WDR7: variants seen among roughly 807,000 people sequenced by gnomAD.
WDR7 encodes WD repeat-containing protein 7.
In WDR7, 46 loss-of-function variants were observed where a neutral mutation model predicts 169.4. The ratio of observed to expected loss-of-function variants is 0.27; its 90% CI spans 0.21 to 0.35. The LOEUF is 0.35. Among genes scored for constraint, WDR7 ranks in the 10% least tolerant of loss-of-function variants. WDR7 has a pLI of 1.00. For synonymous variants in WDR7, 612 were observed against 666.8 expected (o/e 0.92, Z 1.27); for missense variants, 1,534 against 1,859.3 (o/e 0.83, Z 3.22).
chr18:56,682,946 G>A, intron 5 of WDR7, 93 bp downstream of exon 5: 1 of 1,316,852 alleles, frequency 7.6e-7, no homozygotes, highest in Non-Finnish European at 1.0e-6. Flanking sequence ...TTAATACTTT[G>A]GGATATATTC....
At chr18:56,708,937 A>AAAC (rs373468675) in intron 12 of WDR7, among the ~76,000 whole-genome samples, 9 of 152,254 alleles carry the variant, frequency 5.9e-5, no homozygotes, top group African/African-American at 9.6e-5. Flanking sequence ...ACTCTGTCTC[A>AAAC]AACAACAACA....
chr18:56,690,670 A>C (rs1476478834), intron 7 of WDR7, among the ~76,000 whole-genome samples: 1 of 151,990 alleles, frequency 6.6e-6, no homozygotes, highest in African/African-American at 2.4e-5. Flanking sequence ...AGAAATAAAA[A>C]AGTTAGCAGG....
At chr18:56,936,177 A>G (rs2046958225) in intron 23 of WDR7, 1 of 374,876 alleles carries the variant, frequency 2.7e-6, no homozygotes, top group Non-Finnish European at 4.8e-6. Context: ...AATCTGAATT[A>G]CAGCAGGCAT....
intron 21 of WDR7, among the ~76,000 whole-genome samples, chr18:56,919,998 C>G (rs1194194270): frequency 6.6e-6 from 1 of 152,178 alleles, no homozygotes; most frequent in Non-Finnish European, 1.5e-5. Context: ...TGTCCTGGAG[C>G]TGTAATAACC....
At chr18:56,789,579 A>G (rs374253050) in intron 19 of WDR7, among the ~76,000 whole-genome samples, 13 of 152,292 alleles carry the variant, frequency 8.5e-5, no homozygotes, top group African/African-American at 2.9e-4. Context: ...CAGTGAGGAG[A>G]TGGGGGAGTC....
At chr18:56,800,589 A>C (rs1480807131) in intron 19 of WDR7, among the ~76,000 whole-genome samples, 1 of 152,030 alleles carries the variant, frequency 6.6e-6, no homozygotes. Flanking sequence ...CTTGGGGCCA[A>C]GATCCAGGAC....
chr18:57,018,343 A>C (rs190318238), intron 26 of WDR7, among the ~76,000 whole-genome samples: 44 of 152,382 alleles, frequency 2.9e-4, no homozygotes, highest in Non-Finnish European at 5.4e-4. Context: ...GCATGGAAGA[A>C]ACTTTGAATT....
chr18:56,995,002 GT>G (rs1186986315), intron 26 of WDR7, among the ~76,000 whole-genome samples: 1 of 152,110 alleles, frequency 6.6e-6, no homozygotes, highest in Admixed American at 6.6e-5. Flanking sequence ...AAACAATTTA[GT>G]TTTTTTAGTT....
chr18:56,897,948 G>C (rs184776799), intron 21 of WDR7, among the ~76,000 whole-genome samples: 297 of 151,878 alleles, frequency 2.0e-3, no homozygotes, highest in African/African-American at 6.8e-3. Context: ...CCACTGAGAG[G>C]GTCCAGGAGC....
intron 20 of WDR7, among the ~76,000 whole-genome samples, chr18:56,836,358 C>T (rs1332138190): frequency 6.6e-6 from 1 of 152,320 alleles, no homozygotes; most frequent in Middle Eastern, 3.4e-3. Flanking sequence ...AGGGCCTCAC[C>T]AGTCAGCCCC....
At chr18:56,723,807 G>T (rs1427388712) in intron 13 of WDR7, among the ~76,000 whole-genome samples, 2 of 151,844 alleles carry the variant, frequency 1.3e-5, no homozygotes, top group African/African-American at 2.4e-5. Flanking sequence ...TTTCTTTGGA[G>T]ACTCCAATTA....
intron 20 of WDR7, among the ~76,000 whole-genome samples, chr18:56,830,264 T>C (rs1463388232): frequency 6.6e-6 from 1 of 152,180 alleles, no homozygotes; most frequent in Non-Finnish European, 1.5e-5. Flanking sequence ...AAAATGACAT[T>C]TATACTCTTA....
chr18:56,871,129 A>G (rs969491097), intron 20 of WDR7, among the ~76,000 whole-genome samples: 4 of 152,200 alleles, frequency 2.6e-5, no homozygotes, highest in Middle Eastern at 3.2e-3. Flanking sequence ...TGATGTGCTC[A>G]GACTATTTAT....
chr18:56,770,204 G>A (rs1386007745), intron 16 of WDR7, among the ~76,000 whole-genome samples: 2 of 152,174 alleles, frequency 1.3e-5, no homozygotes, highest in Admixed American at 6.5e-5. Flanking sequence ...ATCCACAGGA[G>A]TGCAATTTAT....
At chr18:56,789,609 C>T (rs1193066451) in intron 19 of WDR7, among the ~76,000 whole-genome samples, 1 of 152,214 alleles carries the variant, frequency 6.6e-6, no homozygotes, top group Non-Finnish European at 1.5e-5. Flanking sequence ...TGATTTTCAC[C>T]TGCCTCTCTC....
intron 20 of WDR7, among the ~76,000 whole-genome samples, chr18:56,850,079 T>G (rs1599099100): frequency 1.3e-5 from 2 of 152,218 alleles, no homozygotes; most frequent in Admixed American, 1.3e-4. Context: ...CTGTTTCCTC[T>G]TTCCCAGAAC....
At chr18:57,034,413 G>A (rs376023459), downstream of WDR7, 1 of 151,958 alleles carries the variant, frequency 6.6e-6, no homozygotes, top group African/African-American at 2.4e-5. Context: ...AACTTCCTAT[G>A]TGCAGACCTC....
chr18:57,026,416 G>A (rs1404828658), intron 27 of WDR7, among the ~76,000 whole-genome samples: 1 of 152,204 alleles, frequency 6.6e-6, no homozygotes, highest in Non-Finnish European at 1.5e-5. Flanking sequence ...TTCTGGTTCT[G>A]CACTTTATAA....
At chr18:56,973,057 G>C (rs553250249) in intron 26 of WDR7, among the ~76,000 whole-genome samples, 1 of 152,052 alleles carries the variant, frequency 6.6e-6, no homozygotes, top group Admixed American at 6.6e-5. Context: ...TAGTGGAGAC[G>C]GGGTTTCACC....
Sources: allele counts gnomAD v4.1 joint callset (sites outside exome capture counted in the v4.1 genomes callset), GRCh38; gene constraint gnomAD v4.1.1; transcripts MANE v1.5; gene names NCBI Gene and HGNC (gene_info 2026-07-23, HGNC 2026-07-21).